The following EIF3E variants were observed in gnomAD, a reference collection of about 807,000 sequenced individuals.
EIF3E encodes the protein eukaryotic translation initiation factor 3 subunit E, also known as eIF-3 p48.
EIF3E carries 25 observed loss-of-function variants against 59.3 expected under a neutral mutation model. That is an observed-to-expected ratio of 0.42 (90% CI 0.31 to 0.59). EIF3E has a LOEUF of 0.59. EIF3E is among the 20% of genes least tolerant of loss of function. EIF3E has a pLI of 0.15. For synonymous variants in EIF3E, 176 were observed against 170.2 expected (o/e 1.03, Z -0.26); for missense variants, 317 against 534.3 (o/e 0.59, Z 4.01).
intron 1 of EIF3E, among the ~76,000 whole-genome samples, chr8:108,248,295 T>C (rs762979265): frequency 6.6e-6 from 1 of 151,542 alleles, no homozygotes; most frequent in South Asian, 2.1e-4. Context: ...TGTGAAGCTC[T>C]AACGTTCTCT....
At chr8:108,232,573 T>C (rs576809129) in intron 5 of EIF3E, among the ~76,000 whole-genome samples, 4 of 152,286 alleles carry the variant, frequency 2.6e-5, no homozygotes, top group South Asian at 2.1e-4. Context: ...AACCTGTCAC[T>C]TGTAGAAATT....
chr8:108,231,995 T>C (rs962927636), intron 5 of EIF3E: 4 of 151,782 alleles, frequency 2.6e-5, no homozygotes, highest in African/African-American at 9.7e-5. Context: ...TAACCACAGA[T>C]TTAAAAGAAT....
intron 7 of EIF3E, among the ~76,000 whole-genome samples, chr8:108,224,849 A>T (rs1440714954): frequency 2.6e-5 from 4 of 151,604 alleles, no homozygotes; most frequent in African/African-American, 9.8e-5. Context: ...CAGTGGCATC[A>T]AACTATACTA....
At chr8:108,226,642 T>C (rs537389886) in intron 7 of EIF3E, among the ~76,000 whole-genome samples, 2 of 152,362 alleles carry the variant, frequency 1.3e-5, no homozygotes, top group African/African-American at 4.8e-5. Context: ...TGTATATCTA[T>C]CTAACTTTAA....
At chr8:108,241,768 G>T in intron 2 of EIF3E, 31 bp downstream of exon 2, 1 of 1,359,568 alleles carries the variant, frequency 7.4e-7, no homozygotes, top group Non-Finnish European at 1.0e-6. Flanking sequence ...CAAGTCACAA[G>T]ACAAGTTTCA....
rs1470539316 is a variant in EIF3E at position 108,216,490 on chromosome 8, T to C, written c.873A>G (p.Pro291=). The change falls in exon 9 of 13, where the codon CCA becomes CCG. Residue 291 remains proline (P), a synonymous_variant. Coordinates refer to ENST00000220849, the MANE Select transcript of EIF3E (RefSeq NM_001568.3). ...ATAAACATTCAACAAATTCTGTAAT[T>C]GGGTCTTTATATGTGTAAGACTCCT... is the stretch of plus-strand genomic sequence containing the variant. ...IQQESYTYKD[P]ITEFVECLYV... The C allele has an allele frequency of 1.2e-6, 2 of 1,608,666 alleles. No homozygotes were observed. The highest frequency in any genetic ancestry group is 8.5e-7 in the Non-Finnish European group (1 of 1,177,998).
Position 108,239,933 on chromosome 8 carries a change from G to A in EIF3E, c.323+25C>T, listed in dbSNP as rs527247777. ...ATTAATCCAGAAAGGAGAATTTTTAGAATTCAAAATTAAGACGAGTTTACC... is the reference window on the plus strand; with the variant it reads ...ATTAATCCAGAAAGGAGAATTTTTAAAATTCAAAATTAAGACGAGTTTACC... On this transcript the variant is annotated intron_variant, in intron 3 of 12. Transcript: ENST00000220849. The A allele has an allele frequency of 2.6e-6, 4 of 1,542,472 alleles. No homozygotes were observed. In the South Asian group the frequency reaches 4.5e-5, roughly 17 times the overall value.
rs574805645 is a variant in EIF3E, at chr8:108,203,404, T to C, written c.1161A>G (p.Lys387=). The change falls in exon 11 of 13, where the codon AAA becomes AAG. Residue 387 remains lysine, a synonymous_variant. Coordinates refer to ENST00000220849, the MANE Select transcript of EIF3E (RefSeq NM_001568.3). ...NARLDAKIDS[K]LGHVVMGNNA... ...GCATAGCTAACATAATACTCACTAATTTAGAATCAATCTTGGCATCCAGTC... is the reference window on the plus strand; with the variant it reads ...GCATAGCTAACATAATACTCACTAACTTAGAATCAATCTTGGCATCCAGTC... The C allele has an allele frequency of 5.6e-6, 9 of 1,610,886 alleles. No homozygotes were observed. In the African/African-American group the frequency reaches 8.0e-5, roughly 14 times the overall value.
intron 12 of EIF3E, 147 bp downstream of exon 12, chr8:108,202,836 T>A (rs1815018854): frequency 2.2e-6 from 2 of 899,790 alleles, no homozygotes; most frequent in Non-Finnish European, 3.1e-6. Context: ...TAAGAAAAAA[T>A]TTTCTGTTTA....
chr8:108,242,139 CT>C, intron 1 of EIF3E: 1 of 1,403,616 alleles, frequency 7.1e-7, no homozygotes, highest in South Asian at 1.2e-5. Flanking sequence ...AAGAGAATTA[CT>C]GTAGACATTC....
chr8:108,236,127 C>T (rs752201885), intron 4 of EIF3E, 34 bp downstream of exon 4: 1 of 1,591,480 alleles, frequency 6.3e-7, no homozygotes, highest in Non-Finnish European at 8.6e-7. Flanking sequence ...ATTATTAAAA[C>T]ATGACAACTT....
chr8:108,235,328 T>C (rs1815707034), intron 4 of EIF3E, among the ~76,000 whole-genome samples: 1 of 152,150 alleles, frequency 6.6e-6, no homozygotes, highest in African/African-American at 2.4e-5. Context: ...AGTAAACTAA[T>C]GGGGGCTGGG....
chr8:108,239,817 G>A (rs1203215108), intron 3 of EIF3E, 141 bp downstream of exon 3: 2 of 695,960 alleles, frequency 2.9e-6, no homozygotes, highest in Non-Finnish European at 2.5e-6. Context: ...TACAAAATAA[G>A]GATAAACAAA....
chr8:108,217,280 A>T, intron 8 of EIF3E, 54 bp downstream of exon 8: 4 of 1,354,600 alleles, frequency 3.0e-6, no homozygotes, highest in Non-Finnish European at 3.9e-6. Flanking sequence ...AAAAGAGGTT[A>T]GACCTAAAGC....
intron 9 of EIF3E, among the ~76,000 whole-genome samples, chr8:108,215,484 G>C (rs937936273): frequency 6.6e-6 from 1 of 152,110 alleles, no homozygotes; most frequent in African/African-American, 2.4e-5. Flanking sequence ...CGGGCGTGGT[G>C]GTGGGCGCCT....
intron 1 of EIF3E, among the ~76,000 whole-genome samples, chr8:108,244,175 T>C (rs1277163227): frequency 6.6e-6 from 1 of 152,200 alleles, no homozygotes; most frequent in Non-Finnish European, 1.5e-5. Context: ...GTAATACAGG[T>C]CTATTAATAA....
chr8:108,241,685 A>T, intron 2 of EIF3E, 114 bp downstream of exon 2: 1 of 535,756 alleles, frequency 1.9e-6, no homozygotes, highest in Non-Finnish European at 3.2e-6. Context: ...AAAGAACATT[A>T]ACATTCAAAT....
chr8:108,204,215 T>C (rs1229369892), intron 10 of EIF3E, among the ~76,000 whole-genome samples: 2 of 152,022 alleles, frequency 1.3e-5, no homozygotes, highest in Non-Finnish European at 2.9e-5. Flanking sequence ...TAAAGGTTTC[T>C]TTGGATAAAG....
At chr8:108,240,932 A>G (rs1276143107) in intron 2 of EIF3E, among the ~76,000 whole-genome samples, 3 of 152,060 alleles carry the variant, frequency 2.0e-5, no homozygotes, top group Non-Finnish European at 4.4e-5. Flanking sequence ...GTGAGCCGAG[A>G]TCGCACCACT....
Sources: gnomAD v4.1 joint callset for allele counts (sites outside exome capture counted in the v4.1 genomes callset) on GRCh38, gnomAD v4.1.1 for gene constraint, MANE v1.5 for transcripts, NCBI Gene and HGNC (gene_info 2026-07-23, HGNC 2026-07-21) for gene names.